EPHB1: variants seen among roughly 807,000 people sequenced by gnomAD.
The protein encoded by EPHB1 is EPH receptor B1.
A neutral mutation model predicts 94.4 loss-of-function variants in EPHB1; 30 were observed. The ratio of observed to expected loss-of-function variants is 0.32; its 90% CI spans 0.24 to 0.43. The LOEUF (loss-of-function observed/expected upper bound fraction) is 0.43, where lower values mean the gene tolerates loss of function less well. Among genes scored for constraint, EPHB1 ranks in the 20% least tolerant of loss-of-function variants. The pLI, the probability that EPHB1 is intolerant of heterozygous loss-of-function variation, is 1.00. For missense variants in EPHB1, 1,055 were observed against 1,308.3 expected, an observed-to-expected ratio of 0.81 and a Z score of 2.99; for synonymous variants, 522 against 489.1, an observed-to-expected ratio of 1.07 and a Z score of -0.89.
At chr3:135,019,756 T>G (rs73864228) in intron 3 of EPHB1, among the ~76,000 whole-genome samples, 1,896 of 152,344 alleles carry the variant, frequency 0.012, 38 homozygotes, top group African/African-American at 0.044. Flanking sequence ...TTGTGGCTGA[T>G]CCATAATTTA....
intron 3 of EPHB1, among the ~76,000 whole-genome samples, chr3:134,995,537 A>C (rs980799173): frequency 9.8e-5 from 15 of 152,354 alleles, no homozygotes; most frequent in Admixed American, 7.2e-4. Context: ...AAGGAAGTTT[A>C]ACATCATTAG....
chr3:134,805,455 C>G (rs2036024742), intron 1 of EPHB1, among the ~76,000 whole-genome samples: 1 of 152,166 alleles, frequency 6.6e-6, no homozygotes, highest in African/African-American at 2.4e-5. Context: ...GGTCACACCA[C>G]AGGTGTGAAT....
At chr3:135,119,656 T>C (rs888461367) in intron 4 of EPHB1, among the ~76,000 whole-genome samples, 8 of 152,294 alleles carry the variant, frequency 5.3e-5, no homozygotes, top group African/African-American at 1.7e-4. Flanking sequence ...TTTGCCATGT[T>C]GGCCAGACCG....
chr3:134,876,938 C>T (rs373875246), intron 1 of EPHB1, among the ~76,000 whole-genome samples: 2 of 152,152 alleles, frequency 1.3e-5, no homozygotes, highest in East Asian at 1.9e-4. Context: ...GAATGAATTC[C>T]CAGTGGAATG....
At chr3:135,030,398 T>G (rs1034147924) in intron 3 of EPHB1, among the ~76,000 whole-genome samples, 1 of 152,156 alleles carries the variant, frequency 6.6e-6, no homozygotes, top group Non-Finnish European at 1.5e-5. Context: ...ACAGATGGGT[T>G]TTTGGTGTGG....
At chr3:135,005,625 G>C (rs1935371859) in intron 3 of EPHB1, among the ~76,000 whole-genome samples, 1 of 152,246 alleles carries the variant, frequency 6.6e-6, no homozygotes, top group Non-Finnish European at 1.5e-5. Flanking sequence ...GTGGGTGTAG[G>C]ACCCTCCGAG....
Position 135,147,862 on chromosome 3 carries a change from C to T in EPHB1, c.1298-6290C>T, listed in dbSNP as rs558279633. On this transcript the variant is annotated intron_variant, in intron 5 of 15. Transcript: ENST00000398015. ...AGATGTCCTCAAACAAGGCTGTCCC[C>T]GTCACAATTTCCACCCACACACACA... Among the ~76,000 whole-genome samples the T allele has an allele frequency of 3.5e-4, 54 of 152,298 alleles. 1 individual carries two copies. Among genetic ancestry groups the T allele is most frequent in the African/African-American group, 1.2e-3 (50 of 41,556 alleles).
intron 2 of EPHB1, among the ~76,000 whole-genome samples, chr3:134,927,204 G>A (rs1027059047): frequency 1.3e-5 from 2 of 152,244 alleles, no homozygotes; most frequent in Non-Finnish European, 2.9e-5. Context: ...CCCTGGTTCT[G>A]CTGCAGGGGT....
At position 134,980,979 on chromosome 3, in the gene EPHB1, C is replaced by T. The variant is rs183020848; in HGVS notation, c.805+28927C>T. On this transcript the variant is annotated intron_variant, in intron 3 of 15. Coordinates refer to ENST00000398015, the MANE Select transcript of EPHB1 (RefSeq NM_004441.5). ...ATTCAAGGTACTTTATCCATGAGCT[C>T]AACAGGTTCCTCTCCTTCAAGCCTT... Among the ~76,000 whole-genome samples, 343 of 152,246 alleles carry T rather than the reference C, an allele frequency of 2.3e-3. 2 individuals carry two copies. Among genetic ancestry groups the T allele is most frequent in the Non-Finnish European group, 2.9e-3 (195 of 68,024 alleles).
chr3:134,931,629 G>A (rs1406898657), intron 2 of EPHB1, among the ~76,000 whole-genome samples: 6 of 152,320 alleles, frequency 3.9e-5, no homozygotes, highest in East Asian at 1.9e-4. Context: ...TGCGATAGAG[G>A]AAAAACAGGA....
chr3:135,176,951 C>T lies in EPHB1; in HGVS notation c.1760-2909C>T, dbSNP rs185604442. Among the ~76,000 whole-genome samples, 3 of 152,282 alleles carry T rather than the reference C, an allele frequency of 2.0e-5. No homozygotes were observed. In the East Asian group the frequency reaches 5.8e-4, roughly 29 times the overall value. Reference sequence around the variant, plus strand: ...AAGTAACTAATATAACCCTAAGCGGCTTACAACCCCCACTGCCCACCCTCC... The same window carrying T: ...AAGTAACTAATATAACCCTAAGCGGTTTACAACCCCCACTGCCCACCCTCC... On this transcript the variant is annotated intron_variant, in intron 9 of 15. Coordinates refer to ENST00000398015, the MANE Select transcript of EPHB1 (RefSeq NM_004441.5).
chr3:135,153,697 A>G (rs183171926), intron 5 of EPHB1, among the ~76,000 whole-genome samples: 53 of 152,346 alleles, frequency 3.5e-4, no homozygotes, highest in Middle Eastern at 3.4e-3. Flanking sequence ...GAGTAATTCT[A>G]TACCAACTGG....
chr3:135,250,579 C>T (rs1277662735), intron 15 of EPHB1, among the ~76,000 whole-genome samples: 1 of 152,098 alleles, frequency 6.6e-6, no homozygotes, highest in Non-Finnish European at 1.5e-5. Flanking sequence ...TAAAGCTCCT[C>T]AGGTGATTCT....
At chr3:135,053,862 C>T (rs141296728) in intron 3 of EPHB1, among the ~76,000 whole-genome samples, 38 of 152,080 alleles carry the variant, frequency 2.5e-4, no homozygotes, top group Middle Eastern at 3.4e-3. Context: ...TGTGGTGGCA[C>T]GTGCCTATAG....
rs529609608 is a variant in EPHB1, at chr3:134,993,760, C to G, written c.805+41708C>G. Among the ~76,000 whole-genome samples, 4 of 152,330 alleles carry G rather than the reference C, an allele frequency of 2.6e-5. No homozygotes were observed. In the South Asian group the frequency reaches 8.3e-4, roughly 32 times the overall value. ...CATCACCCTTAAATGTCAGACTAGT[C>G]TCCTTGGCATGGCAATCAGGACTTC... On this transcript the variant is annotated intron_variant, in intron 3 of 15. Transcript: ENST00000398015.
chr3:135,250,040 A>G (rs563035839), intron 15 of EPHB1, among the ~76,000 whole-genome samples: 13 of 152,336 alleles, frequency 8.5e-5, no homozygotes, highest in African/African-American at 2.9e-4. Context: ...TTAAAGATCC[A>G]TGTGGTCCAG....
chr3:135,016,504 A>G (rs918758716), intron 3 of EPHB1, among the ~76,000 whole-genome samples: 1 of 152,252 alleles, frequency 6.6e-6, no homozygotes, highest in Non-Finnish European at 1.5e-5. Context: ...TCTAATAATT[A>G]CAACCACCAC....
chr3:135,219,636 A>G (rs1039447259), intron 12 of EPHB1, among the ~76,000 whole-genome samples: 11 of 152,176 alleles, frequency 7.2e-5, no homozygotes, highest in African/African-American at 2.7e-4. Context: ...AATCTTTATA[A>G]CTCTTGGTTG....
At chr3:134,904,930 G>C (rs1477438165) in intron 1 of EPHB1, among the ~76,000 whole-genome samples, 1 of 152,208 alleles carries the variant, frequency 6.6e-6, no homozygotes, top group African/African-American at 2.4e-5. Flanking sequence ...GCCTTTTAGG[G>C]GAGCGGGCTT....
Sources: allele counts gnomAD v4.1 joint callset (sites outside exome capture counted in the v4.1 genomes callset), GRCh38; gene constraint gnomAD v4.1.1; transcripts MANE v1.5; gene names NCBI Gene and HGNC (gene_info 2026-07-23, HGNC 2026-07-21).